Variants in CLCC1 observed in about 807,000 individuals in gnomAD.
CLCC1 encodes the protein chloride channel CLIC like 1.
CLCC1 carries 39 observed loss-of-function variants against 63.3 expected under a neutral mutation model. The ratio of observed to expected loss-of-function variants is 0.62; its 90% CI spans 0.48 to 0.81. The LOEUF is 0.81. Among genes scored for constraint, CLCC1 ranks in the 30% least tolerant of loss-of-function variants. The pLI is 0.00. For synonymous variants in CLCC1, 217 were observed against 239.8 expected, an observed-to-expected ratio of 0.90 and a Z score of 0.88; for missense variants, 549 against 669.4, an observed-to-expected ratio of 0.82 and a Z score of 1.98.
At position 108,929,786 on chromosome 1, in the gene CLCC1, T is replaced by C; in HGVS notation, c.*2761A>G. 2 of 1,614,030 alleles carry C rather than the reference T, an allele frequency of 1.2e-6. No individual in the cohort carries two copies. The highest frequency in any genetic ancestry group is 2.2e-5 in the East Asian group (1 of 44,872). On this transcript the variant is annotated 3_prime_UTR_variant, in exon 13 of 13. Coordinates refer to ENST00000369969, the MANE Select transcript of CLCC1 (RefSeq NM_001377458.1). ...GTACCAGATGAAGACTTTTTCAGCC[T>C]TATTTTACGGTCCCAGGGAAAGAGA...
At chr1:108,939,483 T>A (rs1277960118) in intron 10 of CLCC1, among the ~76,000 whole-genome samples, 153 bp downstream of exon 10, 1 of 150,838 alleles carries the variant, frequency 6.6e-6, no homozygotes, top group East Asian at 1.9e-4. Flanking sequence ...ATTTTTTGTA[T>A]TTTTTTTAGT....
intron 7 of CLCC1, among the ~76,000 whole-genome samples, chr1:108,943,126 T>A (rs980052582): frequency 3.9e-5 from 6 of 152,182 alleles, no homozygotes; most frequent in Admixed American, 2.6e-4. Context: ...GCCAGGCTAG[T>A]CTTGACCTCC....
At chr1:108,955,164 T>C (rs2101708329) in intron 2 of CLCC1, among the ~76,000 whole-genome samples, 1 of 150,934 alleles carries the variant, frequency 6.6e-6, no homozygotes, top group Non-Finnish European at 1.5e-5. Context: ...GTTACAGGGA[T>C]ACCAGGAGTC....
intron 4 of CLCC1, among the ~76,000 whole-genome samples, chr1:108,949,616 AG>A (rs1449224538): frequency 1.3e-5 from 2 of 152,162 alleles, no homozygotes; most frequent in Non-Finnish European, 2.9e-5. Flanking sequence ...ATGTTATTAC[AG>A]GAAAATACAA....
chr1:108,941,633 A>G (rs751017619), intron 7 of CLCC1, 135 bp from the exon 8 acceptor site: 40 of 477,934 alleles, frequency 8.4e-5, no homozygotes, highest in Non-Finnish European at 1.2e-4. Context: ...TAATTAAAAA[A>G]AAACATATTA....
chr1:108,936,823 A>G (rs568111203), intron 11 of CLCC1, among the ~76,000 whole-genome samples: 2 of 152,254 alleles, frequency 1.3e-5, no homozygotes, highest in Non-Finnish European at 2.9e-5. Flanking sequence ...GCTTCCCATG[A>G]AGGTTCATAT....
intron 5 of CLCC1, among the ~76,000 whole-genome samples, chr1:108,945,929 G>A (rs927662725): frequency 2.6e-5 from 4 of 151,892 alleles, no homozygotes; most frequent in African/African-American, 7.3e-5. Context: ...TTGGGAGGCC[G>A]AGGCGGTCAG....
intron 11 of CLCC1, 150 bp downstream of exon 11, chr1:108,936,927 T>A (rs925569785): frequency 6.6e-6 from 3 of 453,292 alleles, no homozygotes; most frequent in Admixed American, 8.7e-5. Context: ...TGAACTAACT[T>A]TTGACCAGAA....
intron 7 of CLCC1, among the ~76,000 whole-genome samples, chr1:108,942,755 C>G (rs1455849849): frequency 6.6e-6 from 1 of 152,094 alleles, no homozygotes; most frequent in African/African-American, 2.4e-5. Flanking sequence ...TTGTATCTGC[C>G]TTTTCTAAAT....
Position 108,930,044 on chromosome 1 carries a change from AT to A in CLCC1, c.*2502del. ...ATAGCACTGTAATACAGCTTAAAAT[AT>A]TTTTAGAATGATGTAAATAGTTAAC... On this transcript the variant is annotated 3_prime_UTR_variant, in exon 13 of 13. Transcript: ENST00000369969. 2.0e-6 allele frequency: 2 copies of A among 1,018,898 alleles called. No homozygotes were observed. The highest frequency in any genetic ancestry group is 2.9e-6 in the Non-Finnish European group (2 of 678,436). 63.1% of individuals were successfully genotyped at this position (1,018,898 alleles called of 1,614,324 possible). A position where few individuals can be genotyped will look rare whatever the true frequency, so the allele number is the denominator to read the frequency against.
Position 108,937,178 on chromosome 1 carries a change from C to T in CLCC1, c.1282G>A (p.Val428Ile). 3 of 1,590,440 alleles carry T rather than the reference C, an allele frequency of 1.9e-6. No individual in the cohort carries two copies. The highest frequency in any genetic ancestry group is 2.6e-6 in the Non-Finnish European group (3 of 1,168,956). The change falls in exon 11 of 13, where the codon GTT becomes ATT. Residue 428 changes from valine to isoleucine, a missense_variant. Val to Ile is a conservative substitution (Grantham distance 29). Coordinates refer to ENST00000369969, the MANE Select transcript of CLCC1 (RefSeq NM_001377458.1). ...GRREILRERDVDLRFQTGNKS... is the reference protein window; with the variant it reads ...GRREILRERDIDLRFQTGNKS... ...TTGCCAGTCTGAAATCTCAAGTCAACATCTCTCTCTCTCAAAATCTCTCTT... is the reference window on the plus strand; with the variant it reads ...TTGCCAGTCTGAAATCTCAAGTCAATATCTCTCTCTCTCAAAATCTCTCTT...
Position 108,949,920 on chromosome 1 carries a change from G to T in CLCC1, c.131C>A (p.Ala44Glu), listed in dbSNP as rs1557897483. Residue 44 changes from alanine to glutamate, a missense_variant and splice_region_variant, in exon 4 of 13, where the codon GCA becomes GAA. By Grantham distance (107) the Ala-to-Glu change is moderately radical. Coordinates refer to ENST00000369969, the MANE Select transcript of CLCC1 (RefSeq NM_001377458.1). ...CTTTTCCCCTGAAATACCATATTTT[G>T]CCTAAAACAGAGTATAGAAACATTT... Reference protein sequence around the residue: ...AASGTMRKSQAKYGISGEKDV... With the variant: ...AASGTMRKSQEKYGISGEKDV... 1 of 1,568,976 alleles carries T rather than the reference G, an allele frequency of 6.4e-7. No homozygotes were observed. Among genetic ancestry groups the T allele is most frequent in the Non-Finnish European group, 8.7e-7 (1 of 1,151,104 alleles).
intron 5 of CLCC1, among the ~76,000 whole-genome samples, 181 bp downstream of exon 5, chr1:108,947,430 C>T (rs1292538867): frequency 6.6e-6 from 1 of 152,206 alleles, no homozygotes; most frequent in Admixed American, 6.5e-5. Context: ...CATCTTCCAC[C>T]AGACCACTGC....
At chr1:108,944,931 A>C (rs72984651) in intron 5 of CLCC1, among the ~76,000 whole-genome samples, 2,110 of 152,210 alleles carry the variant, frequency 0.014, 58 homozygotes, top group African/African-American at 0.047. Context: ...ACCCGGCCTC[A>C]CAGTAGTTAT....
chr1:108,936,971 T>C, intron 11 of CLCC1, 106 bp downstream of exon 11: 1 of 695,100 alleles, frequency 1.4e-6, no homozygotes. Flanking sequence ...TCACTCATGA[T>C]ATAATTAAGG....
rs146011998 is a variant in CLCC1, at chr1:108,930,112, C to T, written c.*2435G>A. On this transcript the variant is annotated 3_prime_UTR_variant, in exon 13 of 13. Transcript: ENST00000369969. ...AGGCATTAATACTTCTCTGGACATG[C>T]GCGTTTGAGGGTGGAGGGGTCCTGT... 1.0e-4 allele frequency: 65 copies of T among 644,314 alleles called. No homozygotes were observed. In the Admixed American group the frequency reaches 1.2e-3, roughly 12 times the overall value. The allele number at this position is 644,314 out of a possible 1,614,324, so 39.9% of individuals were successfully genotyped here. A position where few individuals can be genotyped will look rare whatever the true frequency, so the allele number is the denominator to read the frequency against.
At chr1:108,959,303 G>A (rs1656327576) in intron 2 of CLCC1, among the ~76,000 whole-genome samples, 2 of 151,982 alleles carry the variant, frequency 1.3e-5, no homozygotes, top group South Asian at 4.1e-4. Context: ...GCAGAGAGCT[G>A]AGAGCACACC....
Position 108,940,056 on chromosome 1 carries a change from G to T in CLCC1, c.883C>A (p.Pro295Thr), listed in dbSNP as rs1398800016. The T allele has an allele frequency of 4.3e-6, 7 of 1,610,656 alleles. No homozygotes were observed. Among genetic ancestry groups the T allele is most frequent in the Non-Finnish European group, 5.9e-6 (7 of 1,177,756 alleles). Residue 295 changes from proline (P) to threonine (T), a missense_variant, in exon 9 of 13, where the codon CCA (proline) becomes ACA (threonine). Physicochemically the swap from Pro to Thr is conservative, Grantham distance 38. Coordinates refer to ENST00000369969, the MANE Select transcript of CLCC1 (RefSeq NM_001377458.1). ...AATATATGCTATACCTTTGTTGGTG[G>T]GACCAACCAAATAGGGTTGACTAGT... ...LLLVNPIWLVPPTKALAVTFT... is the reference protein window; with the variant it reads ...LLLVNPIWLVTPTKALAVTFT...
intron 6 of CLCC1, 58 bp from the exon 7 acceptor site, chr1:108,943,673 A>C: frequency 1.9e-6 from 3 of 1,597,384 alleles, no homozygotes; most frequent in Non-Finnish European, 2.6e-6. Context: ...AGCTAAAAAG[A>C]ACTGGACTCA....
Sources: allele counts gnomAD v4.1 joint callset (sites outside exome capture counted in the v4.1 genomes callset), GRCh38; gene constraint gnomAD v4.1.1; transcripts MANE v1.5; gene names NCBI Gene and HGNC (gene_info 2026-07-23, HGNC 2026-07-21).